Variants in ZBTB7C observed in about 807,000 individuals in gnomAD.
ZBTB7C encodes the protein zinc finger and BTB domain-containing protein 7C.
Under a neutral mutation model 25.7 loss-of-function variants are expected in ZBTB7C, and 8 were observed. The observed-to-expected ratio is 0.31, with a 90% CI of 0.18 to 0.56. The LOEUF is 0.56. ZBTB7C is among the 20% of genes least tolerant of loss of function. The pLI, the probability that ZBTB7C is intolerant of heterozygous loss-of-function variation, is 0.91. For synonymous variants in ZBTB7C, 394 were observed against 369.0 expected, an observed-to-expected ratio of 1.07 and a Z score of -0.78; for missense variants, 824 against 855.2, an observed-to-expected ratio of 0.96 and a Z score of 0.46.
At chr18:48,339,735 C>A (rs1300106089) in intron 1 of ZBTB7C, among the ~76,000 whole-genome samples, 1 of 152,112 alleles carries the variant, frequency 6.6e-6, no homozygotes, top group African/African-American at 2.4e-5. Flanking sequence ...AAGAGGAGAA[C>A]AATCATGCCT....
At chr18:48,036,295 A>G (rs8093883) in intron 4 of ZBTB7C, among the ~76,000 whole-genome samples, 85,317 of 152,078 alleles carry the variant, frequency 0.56, 24,977 homozygotes, top group African/African-American at 0.72. Context: ...CTTAGGGGTG[A>G]AGGGGCTCTG....
chr18:48,389,507 T>C (rs1323831928), intron 1 of ZBTB7C, among the ~76,000 whole-genome samples: 1 of 141,536 alleles, frequency 7.1e-6, no homozygotes, highest in African/African-American at 2.7e-5. Context: ...CTTGTAGAGA[T>C]TGAAAATATG....
intron 2 of ZBTB7C, chr18:48,252,060 T>G (rs181320214): frequency 6.6e-6 from 1 of 152,350 alleles, no homozygotes; most frequent in African/African-American, 2.4e-5. Context: ...CTTAATATTG[T>G]GACTGATATA....
chr18:48,302,638 G>A (rs1337356481), intron 2 of ZBTB7C, among the ~76,000 whole-genome samples: 1 of 152,184 alleles, frequency 6.6e-6, no homozygotes, highest in Non-Finnish European at 1.5e-5. Flanking sequence ...TCTATGTGGT[G>A]CACCAGCACA....
At position 48,367,975 on chromosome 18, in the gene ZBTB7C, A is replaced by G. The variant is rs2047288932; in HGVS notation, c.-303-29577T>C. 2.0e-5 allele frequency among the ~76,000 whole-genome samples: 3 copies of G among 151,964 alleles called. No homozygotes were observed. In the South Asian group the frequency reaches 6.3e-4, roughly 32 times the overall value. ...CCAGCCCTCCACTGGAGGAGAAAAA[A>G]AAAAAAAGCTAAAGCAGGTTTAAGT... On this transcript the variant is annotated intron_variant, in intron 1 of 4. Transcript: ENST00000590800.
intron 2 of ZBTB7C, among the ~76,000 whole-genome samples, chr18:48,226,785 C>T (rs2145324874): frequency 6.6e-6 from 1 of 152,206 alleles, no homozygotes; most frequent in East Asian, 1.9e-4. Flanking sequence ...CTTTGGGAGG[C>T]CAAGGCAGGC....
intron 4 of ZBTB7C, among the ~76,000 whole-genome samples, chr18:48,035,714 C>T (rs1435076201): frequency 6.6e-6 from 1 of 152,258 alleles, no homozygotes; most frequent in Non-Finnish European, 1.5e-5. Flanking sequence ...GCTTTATCTT[C>T]CTGAGATCAC....
chr18:48,372,835 T>G (rs118079110), intron 1 of ZBTB7C, among the ~76,000 whole-genome samples: 2,779 of 152,226 alleles, frequency 0.018, 29 homozygotes, highest in Non-Finnish European at 0.029. Flanking sequence ...CCCGTCTACA[T>G]AGAATCCCCT....
chr18:48,403,099 G>A (rs764343012), intron 1 of ZBTB7C, among the ~76,000 whole-genome samples: 1 of 152,178 alleles, frequency 6.6e-6, no homozygotes, highest in African/African-American at 2.4e-5. Context: ...TGAGGAGGCT[G>A]CCAATGAATG....
intron 2 of ZBTB7C, among the ~76,000 whole-genome samples, chr18:48,329,378 T>C (rs114627217): frequency 0.026 from 3,990 of 152,298 alleles, 85 homozygotes; most frequent in African/African-American, 0.061. Context: ...ATTAGTGACA[T>C]GTTCAGGGGC....
At chr18:48,371,547 G>C (rs2047387969) in intron 1 of ZBTB7C, among the ~76,000 whole-genome samples, 1 of 152,226 alleles carries the variant, frequency 6.6e-6, no homozygotes, top group African/African-American at 2.4e-5. Flanking sequence ...CCCTTAGCCT[G>C]GCATAAGAGC....
intron 2 of ZBTB7C, among the ~76,000 whole-genome samples, chr18:48,198,405 C>T (rs2042363995): frequency 6.6e-6 from 1 of 152,194 alleles, no homozygotes; most frequent in Non-Finnish European, 1.5e-5. Context: ...TAAGACAACA[C>T]AGATTTCTTA....
At chr18:48,222,251 C>T (rs1428846483) in intron 2 of ZBTB7C, among the ~76,000 whole-genome samples, 2 of 152,186 alleles carry the variant, frequency 1.3e-5, no homozygotes, top group African/African-American at 4.8e-5. Flanking sequence ...GGAAAGCATC[C>T]TGTGAACCCG....
chr18:48,088,525 A>G (rs1243257308), intron 3 of ZBTB7C, among the ~76,000 whole-genome samples: 1 of 152,222 alleles, frequency 6.6e-6, no homozygotes, highest in African/African-American at 2.4e-5. Context: ...GGCTGGTTGG[A>G]TACATTAACA....
chr18:48,392,662 C>G lies in ZBTB7C; in HGVS notation c.-304+16564G>C, dbSNP rs143616653. Among the ~76,000 whole-genome samples the G allele has an allele frequency of 7.2e-5, 11 of 152,328 alleles. No homozygotes were observed. The East Asian group carries it at 1.9e-3, about 27-fold the overall frequency. On this transcript the variant is annotated intron_variant, in intron 1 of 4. Coordinates refer to ENST00000590800, the MANE Select transcript of ZBTB7C (RefSeq NM_001318841.2). ...TTACCAGAATCTCTCCCCTATCCCA[C>G]AAACAATAAAGAAATCAGACTGGGA... is the stretch of plus-strand genomic sequence containing the variant.
At chr18:48,406,497 ACTAT>A (rs767306030) in intron 1 of ZBTB7C, among the ~76,000 whole-genome samples, 1 of 152,218 alleles carries the variant, frequency 6.6e-6, no homozygotes, top group Admixed American at 6.5e-5. Flanking sequence ...AAATAGCTGA[ACTAT>A]CTATCTTGTG....
At chr18:48,053,207 C>T (rs1474897359) in intron 3 of ZBTB7C, among the ~76,000 whole-genome samples, 2 of 152,204 alleles carry the variant, frequency 1.3e-5, no homozygotes, top group Admixed American at 6.5e-5. Context: ...GTCTTCCCAT[C>T]GCCCCTACAG....
chr18:48,305,176 T>A (rs952265536), intron 2 of ZBTB7C, among the ~76,000 whole-genome samples: 1 of 152,236 alleles, frequency 6.6e-6, no homozygotes, highest in African/African-American at 2.4e-5. Context: ...AAACCTCAAA[T>A]TGATTCTGAA....
intron 1 of ZBTB7C, among the ~76,000 whole-genome samples, chr18:48,345,792 C>T (rs1484887735): frequency 6.6e-6 from 1 of 152,210 alleles, no homozygotes; most frequent in Non-Finnish European, 1.5e-5. Flanking sequence ...ATCCATTTTG[C>T]ACTCTGGCAA....
Sources: gnomAD v4.1 joint callset for allele counts (sites outside exome capture counted in the v4.1 genomes callset) on GRCh38, gnomAD v4.1.1 for gene constraint, MANE v1.5 for transcripts, NCBI Gene and HGNC (gene_info 2026-07-23, HGNC 2026-07-21) for gene names.